Variants in ROBO2 observed in about 807,000 individuals in gnomAD.
ROBO2 encodes the protein roundabout guidance receptor 2.
Under a neutral mutation model 160.8 loss-of-function variants are expected in ROBO2, and 53 were observed. The observed-to-expected ratio is 0.33, with a 90% CI of 0.26 to 0.41. ROBO2 has a LOEUF of 0.41. ROBO2 is among the 10% of genes least tolerant of loss of function. ROBO2 has a pLI of 1.00. For missense variants in ROBO2, 1,577 were observed against 1,722.4 expected (o/e 0.92, Z 1.49); for synonymous variants, 664 against 611.7 (o/e 1.09, Z -1.26).
chr3:76,632,727 CA>C (rs1373958680), intron 2 of ROBO2, among the ~76,000 whole-genome samples: 4 of 152,206 alleles, frequency 2.6e-5, no homozygotes. Flanking sequence ...TAACGAATTT[CA>C]AAAACATAAG....
upstream of ROBO2, among the ~76,000 whole-genome samples, chr3:77,035,200 A>G (rs894495594): frequency 6.6e-6 from 1 of 151,884 alleles, no homozygotes; most frequent in Non-Finnish European, 1.5e-5. Context: ...TTTGCAATTT[A>G]CTAAGATGGG....
chr3:77,052,438 A>G (rs978091046), intron 1 of ROBO2, among the ~76,000 whole-genome samples: 6 of 152,174 alleles, frequency 3.9e-5, no homozygotes, highest in African/African-American at 1.4e-4. Flanking sequence ...AGTGAATAGC[A>G]TCAGTCAGCT....
rs1006407558 is a variant in ROBO2 at position 76,750,395 on chromosome 3, G to A, written c.110-347619G>A. Reference sequence around the variant, plus strand: ...CCTTTGAAAACTGGCACAAGACAGGGATGCCCTCTCTCACCACTCCTATTC... The same window carrying A: ...CCTTTGAAAACTGGCACAAGACAGGAATGCCCTCTCTCACCACTCCTATTC... On this transcript the variant is annotated intron_variant, in intron 2 of 26. Transcript: ENST00000487694. Among the ~76,000 whole-genome samples, 18 of 152,074 alleles carry A rather than the reference G, an allele frequency of 1.2e-4. 1 individual carries two copies. Among genetic ancestry groups the A allele is most frequent in the Admixed American group, 1.0e-3 (16 of 15,256 alleles).
At position 77,577,435 on chromosome 3, in the gene ROBO2, A is replaced by G. The variant is rs1023686430; in HGVS notation, c.2204-55A>G. The G allele has an allele frequency of 6.2e-6, 10 of 1,611,662 alleles. No homozygotes were observed. The African/African-American group carries it at 8.0e-5, about 13-fold the overall frequency. On this transcript the variant is annotated intron_variant, in intron 14 of 25. Coordinates refer to ENST00000461745, the Ensembl canonical transcript of ROBO2. ...TTTATACTCATATTCTGAAAGTAGCATGAACGCACACCAAGGCTTATAGTT... is the reference window on the plus strand; with the variant it reads ...TTTATACTCATATTCTGAAAGTAGCGTGAACGCACACCAAGGCTTATAGTT...
chr3:76,275,276 G>C (rs1707854375), intron 2 of ROBO2, among the ~76,000 whole-genome samples: 1 of 152,100 alleles, frequency 6.6e-6, no homozygotes, highest in African/African-American at 2.4e-5. Context: ...TTTAATATCA[G>C]ATCAGTCTAC....
intron 2 of ROBO2, among the ~76,000 whole-genome samples, chr3:77,424,638 A>C (rs904327750): frequency 2.0e-5 from 3 of 152,196 alleles, no homozygotes; most frequent in Admixed American, 6.5e-5. Context: ...ACAATTTGTA[A>C]TGTAAAGGTT....
intron 2 of ROBO2, among the ~76,000 whole-genome samples, chr3:76,548,142 T>C (rs943983287): frequency 6.6e-6 from 1 of 152,162 alleles, no homozygotes; most frequent in Admixed American, 6.5e-5. Context: ...TCAGAATATT[T>C]CTTTTAATTG....
chr3:75,930,595 T>C (rs370643203), intron 1 of ROBO2, among the ~76,000 whole-genome samples: 1 of 152,194 alleles, frequency 6.6e-6, no homozygotes, highest in Non-Finnish European at 1.5e-5. Flanking sequence ...TTTTCAGTTT[T>C]AGAGTTTGGC....
At chr3:77,430,029 A>T (rs548270283) in intron 2 of ROBO2, among the ~76,000 whole-genome samples, 12 of 152,266 alleles carry the variant, frequency 7.9e-5, no homozygotes, top group African/African-American at 2.9e-4. Context: ...ATATAATCCT[A>T]TCCCTAGAAA....
intron 2 of ROBO2, among the ~76,000 whole-genome samples, chr3:76,809,215 T>TCAC (rs2108962947): frequency 1.3e-5 from 2 of 152,278 alleles, no homozygotes; most frequent in African/African-American, 4.8e-5. Context: ...GGCTGAAATT[T>TCAC]TATCAGAGGC....
intron 2 of ROBO2, among the ~76,000 whole-genome samples, chr3:76,295,484 G>T (rs1256376366): frequency 3.9e-5 from 6 of 151,966 alleles, no homozygotes; most frequent in Non-Finnish European, 8.8e-5. Context: ...GGATACTAGG[G>T]TATATGAACA....
chr3:77,632,254 T>C, intron 23 of ROBO2: 1 of 441,956 alleles, frequency 2.3e-6, no homozygotes, highest in Non-Finnish European at 4.0e-6. Flanking sequence ...CAGCACATGC[T>C]TTGCTTATGT....
intron 4 of ROBO2, among the ~76,000 whole-genome samples, chr3:77,487,591 A>T (rs1382890368): frequency 1.3e-5 from 2 of 152,082 alleles, no homozygotes; most frequent in African/African-American, 4.8e-5. Flanking sequence ...ACATTCAATG[A>T]CTATCAAACC....
At chr3:77,015,565 G>A (rs908651287) in intron 2 of ROBO2, among the ~76,000 whole-genome samples, 3 of 152,182 alleles carry the variant, frequency 2.0e-5, no homozygotes, top group African/African-American at 4.8e-5. Flanking sequence ...GCGTTGGGTA[G>A]CATCATAAAA....
chr3:77,388,345 A>G (rs2074354067), intron 2 of ROBO2, among the ~76,000 whole-genome samples: 1 of 152,156 alleles, frequency 6.6e-6, no homozygotes, highest in Non-Finnish European at 1.5e-5. Flanking sequence ...GCCCAAGGAG[A>G]TGGAAGCTAC....
intron 7 of ROBO2, among the ~76,000 whole-genome samples, chr3:77,549,704 T>C (rs777216437): frequency 6.6e-6 from 1 of 152,008 alleles, no homozygotes; most frequent in Non-Finnish European, 1.5e-5. Flanking sequence ...TTGAGCATAA[T>C]TGAAAAGTGT....
chr3:76,085,813 G>C (rs2068993706), intron 2 of ROBO2, among the ~76,000 whole-genome samples: 1 of 152,136 alleles, frequency 6.6e-6, no homozygotes, highest in Non-Finnish European at 1.5e-5. Context: ...AAAACTCCAA[G>C]AGAGCCCGTC....
chr3:76,510,317 A>G (rs980721507), intron 2 of ROBO2, among the ~76,000 whole-genome samples: 4 of 152,362 alleles, frequency 2.6e-5, no homozygotes, highest in Non-Finnish European at 4.4e-5. Context: ...CAGTGATGTA[A>G]GTGTGAAATG....
intron 2 of ROBO2, among the ~76,000 whole-genome samples, chr3:76,020,438 C>A (rs1241773081): frequency 2.6e-5 from 4 of 151,644 alleles, no homozygotes; most frequent in Admixed American, 1.3e-4. Flanking sequence ...ATCGCTTTTA[C>A]TTTTTATCAC....
Sources: allele counts gnomAD v4.1 joint callset (sites outside exome capture counted in the v4.1 genomes callset), GRCh38; gene constraint gnomAD v4.1.1; transcripts MANE v1.5; gene names NCBI Gene and HGNC (gene_info 2026-07-23, HGNC 2026-07-21).